Variants in KYAT1 observed in about 807,000 individuals in gnomAD.
KYAT1 encodes the protein kynurenine aminotransferase 1, also known as kynurenine--oxoglutarate transaminase 1.
KYAT1 carries 47 observed loss-of-function variants against 52.4 expected under a neutral mutation model. That is an observed-to-expected ratio of 0.90 (90% CI 0.71 to 1.14). The LOEUF is 1.14. Among genes scored for constraint, KYAT1 ranks in the 50% most tolerant of loss-of-function variants. The probability of loss-of-function intolerance (pLI) is 0.00; values close to 1 mark genes in which losing one functional copy is unlikely to be tolerated. For missense variants in KYAT1, 480 were observed against 557.9 expected (o/e 0.86, Z 1.41); for synonymous variants, 212 against 209.6 (o/e 1.01, Z -0.10).
chr9:128,861,137 G>A (rs1835411483), intron 1 of KYAT1, among the ~76,000 whole-genome samples: 1 of 152,222 alleles, frequency 6.6e-6, no homozygotes, highest in Non-Finnish European at 1.5e-5. Context: ...ACAATGAAGT[G>A]TGGCTAGTTT....
chr9:128,845,295 G>T, intron 2 of KYAT1, 58 bp downstream of exon 2: 1 of 1,471,806 alleles, frequency 6.8e-7, no homozygotes, highest in South Asian at 1.1e-5. Context: ...TAAACCCAGG[G>T]ATGGCCAACC....
intron 1 of KYAT1, among the ~76,000 whole-genome samples, chr9:128,853,393 T>C (rs995343318): frequency 3.3e-5 from 5 of 152,210 alleles, no homozygotes; most frequent in African/African-American, 9.6e-5. Context: ...GAACAAGTCA[T>C]TGAAACTCAA....
chr9:128,869,833 A>G (rs906710649), intron 1 of KYAT1, among the ~76,000 whole-genome samples: 4 of 151,338 alleles, frequency 2.6e-5, no homozygotes, highest in African/African-American at 9.7e-5. Flanking sequence ...AGCTCACTGC[A>G]ACCTCTGCCT....
At chr9:128,847,695 C>T (rs3763597) in intron 1 of KYAT1, 28,387 of 551,380 alleles carry the variant, frequency 0.051, 1,004 homozygotes, top group East Asian at 0.14. Context: ...ATGGTCATTG[C>T]GTGCCAGGAA....
chr9:128,840,618 A>ATTT, intron 3 of KYAT1: 4 of 402,468 alleles, frequency 9.9e-6, no homozygotes, highest in African/African-American at 2.2e-5. Flanking sequence ...TACCCAAATG[A>ATTT]TTTTTTTTTT....
intron 1 of KYAT1, among the ~76,000 whole-genome samples, chr9:128,850,595 C>G (rs1209816514): frequency 6.6e-6 from 1 of 152,170 alleles, no homozygotes; most frequent in Non-Finnish European, 1.5e-5. Context: ...GAGGTTTCTC[C>G]CCATGTGATA....
At chr9:128,875,747 G>A (rs1837921994) in intron 1 of KYAT1, among the ~76,000 whole-genome samples, 1 of 152,158 alleles carries the variant, frequency 6.6e-6, no homozygotes, top group Admixed American at 6.5e-5. Context: ...ACCCTTCTGG[G>A]GTAGCTCTCA....
intron 1 of KYAT1, among the ~76,000 whole-genome samples, chr9:128,879,885 C>T (rs1160251036): frequency 6.6e-6 from 1 of 152,202 alleles, no homozygotes; most frequent in African/African-American, 2.4e-5. Context: ...CCACCAGATC[C>T]TCAGCCTCTG....
At chr9:128,865,336 TATATATATATATATATATATATA>T (rs1836143798) in intron 1 of KYAT1, among the ~76,000 whole-genome samples, 8 of 2,170 alleles carry the variant, frequency 3.7e-3, no homozygotes, top group African/African-American at 5.1e-3. Flanking sequence ...TATATATATA[TATATATATATATATATATATATA>T]TTTTTTTTTT....
At chr9:128,879,834 G>A (rs1390330303) in intron 1 of KYAT1, among the ~76,000 whole-genome samples, 2 of 152,172 alleles carry the variant, frequency 1.3e-5, no homozygotes, top group East Asian at 1.9e-4. Flanking sequence ...GCACGGGGGC[G>A]CTCAACTCCA....
At chr9:128,860,848 C>T (rs759217704) in intron 1 of KYAT1, among the ~76,000 whole-genome samples, 58 of 152,250 alleles carry the variant, frequency 3.8e-4, no homozygotes, top group Non-Finnish European at 6.2e-4. Context: ...CAGTTGTGAG[C>T]CACTGCCTCC....
At position 128,836,155 on chromosome 9, in the gene KYAT1, C is replaced by T. The variant is rs551365486; in HGVS notation, c.689-82G>A. ...ATGGTGGTCTGGGCCCCAGGGGACA[C>T]GCATAGGCTTTTGACACCCTGGATT... On this transcript the variant is annotated intron_variant, in intron 7 of 12. Coordinates refer to ENST00000302586, the MANE Select transcript of KYAT1 (RefSeq NM_004059.5). 2.1e-5 allele frequency: 26 copies of T among 1,245,362 alleles called. 1 individual carries two copies. The highest frequency in any genetic ancestry group is 3.8e-4 in the Middle Eastern group (2 of 5,206). The allele number at this position is 1,245,362 out of a possible 1,614,324, so 77.1% of individuals were successfully genotyped here.
intron 7 of KYAT1, 170 bp from the exon 8 acceptor site, chr9:128,836,243 T>TTCCG: frequency 2.0e-6 from 1 of 499,608 alleles, no homozygotes. Context: ...CTTTCCTTCC[T>TTCCG]TCCTTCTTTC....
intron 1 of KYAT1, among the ~76,000 whole-genome samples, chr9:128,874,560 C>G (rs1837692886): frequency 6.6e-6 from 1 of 151,866 alleles, no homozygotes; most frequent in Non-Finnish European, 1.5e-5. Flanking sequence ...ATCATCCTGC[C>G]TTAGCCTCCC....
chr9:128,846,625 A>T, intron 1 of KYAT1: 107 of 843,820 alleles, frequency 1.3e-4, no homozygotes, highest in Non-Finnish European at 1.6e-4. Context: ...AAAAAAAAAA[A>T]GAAAGAAAGA....
intron 1 of KYAT1, among the ~76,000 whole-genome samples, chr9:128,859,717 C>T (rs1835190998): frequency 6.6e-6 from 1 of 151,418 alleles, no homozygotes; most frequent in African/African-American, 2.4e-5. Context: ...GGCGCGATCT[C>T]GGCTCACTGC....
At chr9:128,847,890 A>G (rs920080388) in intron 1 of KYAT1, among the ~76,000 whole-genome samples, 1 of 152,158 alleles carries the variant, frequency 6.6e-6, no homozygotes, top group Non-Finnish European at 1.5e-5. Context: ...TAAACCAAAC[A>G]TGTTCTGACT....
rs111703482 is a variant in KYAT1, at chr9:128,858,017, T to C, written c.-6-12606A>G. On this transcript the variant is annotated intron_variant, in intron 1 of 12. Coordinates refer to ENST00000302586, the MANE Select transcript of KYAT1 (RefSeq NM_004059.5). ...ATTAAGAACTTTTGTGCTTCAAGGA[T>C]ACCCATTAAGAAAATGAAAAGACAG... Among the ~76,000 whole-genome samples, 1,268 of 152,258 alleles carry C rather than the reference T, an allele frequency of 8.3e-3. 16 individuals are homozygous for C. Among genetic ancestry groups the C allele is most frequent in the African/African-American group, 0.029 (1,213 of 41,538 alleles).
At chr9:128,846,025 G>A (rs372350690) in intron 1 of KYAT1, among the ~76,000 whole-genome samples, 5 of 152,308 alleles carry the variant, frequency 3.3e-5, no homozygotes, top group East Asian at 1.9e-4. Context: ...TAACTCTGAG[G>A]GAGGCACTAA....
Sources: gnomAD v4.1 joint callset for allele counts (sites outside exome capture counted in the v4.1 genomes callset) on GRCh38, gnomAD v4.1.1 for gene constraint, MANE v1.5 for transcripts, NCBI Gene and HGNC (gene_info 2026-07-23, HGNC 2026-07-21) for gene names.